Variants in EXOC4 observed in about 807,000 individuals in gnomAD.
The protein encoded by EXOC4 is exocyst complex component 4.
EXOC4 carries 71 observed loss-of-function variants against 107.2 expected under a neutral mutation model. The ratio of observed to expected loss-of-function variants is 0.66; its 90% CI spans 0.55 to 0.81. EXOC4 has a LOEUF of 0.81. Among genes scored for constraint, EXOC4 ranks in the 30% least tolerant of loss-of-function variants. The pLI, the probability that EXOC4 is intolerant of heterozygous loss-of-function variation, is 0.00. For synonymous variants in EXOC4, 456 were observed against 441.2 expected (o/e 1.03, Z -0.42); for missense variants, 1,108 against 1,189.6 (o/e 0.93, Z 1.01).
intron 9 of EXOC4, among the ~76,000 whole-genome samples, chr7:133,582,016 G>A (rs1801289033): frequency 6.6e-6 from 1 of 151,962 alleles, no homozygotes; most frequent in Non-Finnish European, 1.5e-5. Flanking sequence ...GGAGAAATCT[G>A]CCCCCATGAT....
rs1420583988 is a variant in EXOC4 at position 133,937,872 on chromosome 7, T to C, written c.2028-19T>C. On this transcript the variant is annotated intron_variant, in intron 13 of 17. Transcript: ENST00000253861. ...TTCCATGCTGTATATATGAAGTGTG[T>C]TTCTGATTTGCTTTTCAGGGCAGCT... 22 of 1,613,714 alleles carry C rather than the reference T, an allele frequency of 1.4e-5. No individual in the cohort carries two copies. The highest frequency in any genetic ancestry group is 1.9e-5 in the Non-Finnish European group (22 of 1,179,808).
intron 7 of EXOC4, among the ~76,000 whole-genome samples, chr7:133,471,602 T>G (rs763321368): frequency 6.6e-6 from 1 of 152,206 alleles, no homozygotes; most frequent in African/African-American, 2.4e-5. Context: ...CTTTTAAATT[T>G]TATTTGTATT....
rs757087700 is a variant in EXOC4, at chr7:133,734,414, TATCTC to T, written c.1515-82908_1515-82904del. 2.0e-5 allele frequency among the ~76,000 whole-genome samples: 3 copies of T among 146,902 alleles called. No individual in the cohort carries two copies. In the East Asian group the frequency reaches 6.1e-4, roughly 30 times the overall value. On this transcript the variant is annotated intron_variant, in intron 10 of 17. Coordinates refer to ENST00000253861, the MANE Select transcript of EXOC4 (RefSeq NM_021807.4). Reference sequence around the variant, plus strand: ...GTAAATGGAACCTTTGAAGTTCACTTATCTCATGATAATTCTTCACTTTTTTTTTT... The same window carrying T: ...GTAAATGGAACCTTTGAAGTTCACTTATGATAATTCTTCACTTTTTTTTTT...
intron 3 of EXOC4, among the ~76,000 whole-genome samples, chr7:133,294,940 CT>C (rs1488817262): frequency 6.6e-6 from 1 of 152,054 alleles, no homozygotes; most frequent in African/African-American, 2.4e-5. Context: ...AGTAAATTAT[CT>C]TTGCTGAAAG....
intron 12 of EXOC4, among the ~76,000 whole-genome samples, chr7:133,903,251 T>G (rs1799495509): frequency 2.0e-5 from 3 of 152,196 alleles, no homozygotes; most frequent in Admixed American, 2.0e-4. Context: ...TGAGAAGCCA[T>G]TACAAGGATT....
At chr7:133,568,858 T>C (rs987461830) in intron 9 of EXOC4, among the ~76,000 whole-genome samples, 6 of 152,154 alleles carry the variant, frequency 3.9e-5, no homozygotes, top group African/African-American at 1.4e-4. Flanking sequence ...TAAAACAGTT[T>C]AGTTTTATGA....
intron 9 of EXOC4, among the ~76,000 whole-genome samples, chr7:133,516,061 A>G (rs145362123): frequency 8.1e-4 from 123 of 152,318 alleles, no homozygotes; most frequent in African/African-American, 2.7e-3. Context: ...CTGGAAGACT[A>G]TCGATGCATC....
chr7:133,757,720 T>C (rs899430793), intron 10 of EXOC4, among the ~76,000 whole-genome samples: 1 of 152,230 alleles, frequency 6.6e-6, no homozygotes, highest in African/African-American at 2.4e-5. Context: ...AGTGACCCCA[T>C]TGGCTCCTCG....
intron 9 of EXOC4, among the ~76,000 whole-genome samples, chr7:133,566,447 C>CACTT (rs1371376762): frequency 1.3e-5 from 2 of 152,110 alleles, no homozygotes; most frequent in African/African-American, 4.8e-5. Flanking sequence ...ATACAGTGAG[C>CACTT]ACTTAAGTGC....
intron 9 of EXOC4, among the ~76,000 whole-genome samples, chr7:133,563,606 G>A (rs1334901659): frequency 2.0e-5 from 3 of 152,160 alleles, no homozygotes; most frequent in African/African-American, 4.8e-5. Context: ...TACACCAGCT[G>A]TAGCCTAGTT....
At chr7:133,948,940 G>C (rs1207896365) in intron 14 of EXOC4, among the ~76,000 whole-genome samples, 2 of 152,180 alleles carry the variant, frequency 1.3e-5, no homozygotes. Context: ...GCGTGCCTTT[G>C]TTTCCCCACG....
At chr7:133,303,380 G>C (rs10279374) in intron 3 of EXOC4, among the ~76,000 whole-genome samples, 3,408 of 152,290 alleles carry the variant, frequency 0.022, 131 homozygotes, top group African/African-American at 0.077. Context: ...GTTGCAGTGA[G>C]CCATGATTGT....
intron 7 of EXOC4, among the ~76,000 whole-genome samples, chr7:133,461,948 G>A (rs183260581): frequency 1.6e-4 from 24 of 152,296 alleles, no homozygotes; most frequent in Admixed American, 1.2e-3. Context: ...TTTAATTAGA[G>A]TGAGATATCA....
chr7:133,319,228 T>C (rs1046944809), intron 5 of EXOC4, among the ~76,000 whole-genome samples: 1 of 152,182 alleles, frequency 6.6e-6, no homozygotes, highest in Non-Finnish European at 1.5e-5. Context: ...AAATATAAAA[T>C]AAGCTGAAAT....
At chr7:133,267,900 T>C (rs1001716785) in intron 1 of EXOC4, among the ~76,000 whole-genome samples, 4 of 152,150 alleles carry the variant, frequency 2.6e-5, no homozygotes, top group Non-Finnish European at 5.9e-5. Flanking sequence ...AAGCACTTAA[T>C]GTACCAGGCA....
chr7:133,356,357 A>G lies in EXOC4; in HGVS notation c.791A>G (p.Lys264Arg). 1.2e-6 allele frequency: 2 copies of G among 1,614,022 alleles called. No individual in the cohort carries two copies. The highest frequency in any genetic ancestry group is 2.2e-5 in the South Asian group (2 of 91,072). Residue 264 changes from lysine to arginine, a missense_variant, in exon 6 of 18, where the codon AAG becomes AGG. Physicochemically the swap from Lys to Arg is conservative, Grantham distance 26. Coordinates refer to ENST00000253861, the MANE Select transcript of EXOC4 (RefSeq NM_021807.4). ...SVREINLQDI[K>R]EDLELDPEEN... The stretch of plus-strand genomic sequence containing the variant: ...AGGGAGATAAATCTGCAGGACATCA[A>G]GGAAGATTTAGAATTGGATCCAGAG...
chr7:133,642,805 T>C (rs563852349), intron 10 of EXOC4, among the ~76,000 whole-genome samples: 2 of 152,286 alleles, frequency 1.3e-5, no homozygotes, highest in African/African-American at 4.8e-5. Context: ...CCTTGTACAC[T>C]TCAAAGCCAC....
At chr7:133,663,849 C>T (rs1793752557) in intron 10 of EXOC4, among the ~76,000 whole-genome samples, 1 of 152,192 alleles carries the variant, frequency 6.6e-6, no homozygotes, top group Non-Finnish European at 1.5e-5. Flanking sequence ...ATGTAAGTCA[C>T]ATTACAAGAA....
chr7:134,052,649 T>C (rs747903462), intron 17 of EXOC4, among the ~76,000 whole-genome samples: 1 of 152,256 alleles, frequency 6.6e-6, no homozygotes, highest in Non-Finnish European at 1.5e-5. Context: ...GCAGGTGTTC[T>C]ATCATATCAT....
Sources: allele counts gnomAD v4.1 joint callset (sites outside exome capture counted in the v4.1 genomes callset), GRCh38; gene constraint gnomAD v4.1.1; transcripts MANE v1.5; gene names NCBI Gene and HGNC (gene_info 2026-07-23, HGNC 2026-07-21).